DNER: variants seen among roughly 807,000 people sequenced by gnomAD.
DNER encodes delta/notch like EGF repeat containing, also known as delta and Notch-like epidermal growth factor-related receptor.
DNER carries 33 observed loss-of-function variants against 78.2 expected under a neutral mutation model. The observed-to-expected ratio is 0.42, with a 90% CI of 0.32 to 0.56. The LOEUF (loss-of-function observed/expected upper bound fraction) is 0.56, where lower values mean the gene tolerates loss of function less well. DNER is among the 20% of genes least tolerant of loss of function. The probability of loss-of-function intolerance (pLI) is 0.11; values close to 1 mark genes in which losing one functional copy is unlikely to be tolerated. For missense variants in DNER, 918 were observed against 975.3 expected, an observed-to-expected ratio of 0.94 and a Z score of 0.78; for synonymous variants, 417 against 384.8, an observed-to-expected ratio of 1.08 and a Z score of -0.98.
At chr2:229,465,365 G>A (rs769670881) in intron 7 of DNER, among the ~76,000 whole-genome samples, 3 of 152,184 alleles carry the variant, frequency 2.0e-5, no homozygotes, top group Non-Finnish European at 4.4e-5. Flanking sequence ...TCACTTATAA[G>A]TGGGAGCTGA....
intron 1 of DNER, among the ~76,000 whole-genome samples, chr2:229,648,420 G>A (rs908544092): frequency 4.6e-5 from 7 of 152,192 alleles, no homozygotes; most frequent in Non-Finnish European, 8.8e-5. Context: ...TACTATCCCT[G>A]GAGTAACACT....
intron 1 of DNER, among the ~76,000 whole-genome samples, chr2:229,638,087 T>C (rs1698557110): frequency 6.6e-6 from 1 of 152,192 alleles, no homozygotes; most frequent in Non-Finnish European, 1.5e-5. Context: ...CCAAAGCTAA[T>C]ACGAGAGAGG....
chr2:229,572,292 G>A (rs1206181261), intron 4 of DNER, among the ~76,000 whole-genome samples: 1 of 152,138 alleles, frequency 6.6e-6, no homozygotes, highest in African/African-American at 2.4e-5. Flanking sequence ...GTGAATTCAT[G>A]TAGACCCTAA....
At chr2:229,538,602 G>A (rs937400601) in intron 5 of DNER, among the ~76,000 whole-genome samples, 1 of 152,068 alleles carries the variant, frequency 6.6e-6, no homozygotes, top group Non-Finnish European at 1.5e-5. Flanking sequence ...TAATGATGAT[G>A]TATACTTGAA....
chr2:229,610,835 A>G (rs779089937), intron 1 of DNER, among the ~76,000 whole-genome samples: 11 of 152,236 alleles, frequency 7.2e-5, no homozygotes, highest in Non-Finnish European at 1.5e-4. Context: ...TTACATCCAC[A>G]GTTCCCAAAC....
At chr2:229,466,457 C>T (rs959054382) in intron 7 of DNER, among the ~76,000 whole-genome samples, 2 of 152,192 alleles carry the variant, frequency 1.3e-5, no homozygotes, top group Admixed American at 6.5e-5. Context: ...CCTTGGAACA[C>T]TTCCTGACTC....
intron 1 of DNER, among the ~76,000 whole-genome samples, chr2:229,592,731 G>A (rs575006079): frequency 5.5e-4 from 83 of 152,236 alleles, no homozygotes; most frequent in Non-Finnish European, 6.6e-4. Context: ...TTCAGATAGC[G>A]CAAGGGTTCA....
At chr2:229,603,478 T>C (rs1197414690) in intron 1 of DNER, among the ~76,000 whole-genome samples, 5 of 152,194 alleles carry the variant, frequency 3.3e-5, no homozygotes, top group Non-Finnish European at 4.4e-5. Flanking sequence ...AAATATACTA[T>C]ACAGCCATGA....
At chr2:229,515,895 G>A (rs376888066) in intron 5 of DNER, among the ~76,000 whole-genome samples, 15 of 152,078 alleles carry the variant, frequency 9.9e-5, no homozygotes, top group African/African-American at 2.9e-4. Context: ...TCCCGCCTCG[G>A]CCTCCCAAAG....
At chr2:229,505,219 T>TGTGTGTGTGC (rs56268741) in intron 6 of DNER, among the ~76,000 whole-genome samples, 1 of 149,256 alleles carries the variant, frequency 6.7e-6, no homozygotes, top group Non-Finnish European at 1.5e-5. Flanking sequence ...TGTGTGTGTG[T>TGTGTGTGTGC]TGGCTACAAT....
chr2:229,359,391 G>C (rs972483440), intron 12 of DNER, among the ~76,000 whole-genome samples: 1 of 152,122 alleles, frequency 6.6e-6, no homozygotes, highest in Non-Finnish European at 1.5e-5. Context: ...CAAACCTGTC[G>C]TAAGGTGGCA....
In DNER at chr2:229,465,119, A is replaced by T. The variant is rs1694777862; in HGVS notation, c.1261+12021T>A. On this transcript the variant is annotated intron_variant, in intron 7 of 12. Coordinates refer to ENST00000341772, the MANE Select transcript of DNER (RefSeq NM_139072.4). ...GAATAGAAATCATTCTATTATAAAG[A>T]TGCATGCATGTGTATGTTCATTGCA... 3.3e-5 allele frequency among the ~76,000 whole-genome samples: 5 copies of T among 152,214 alleles called. No homozygotes were observed. In the South Asian group the frequency reaches 1.0e-3, roughly 31 times the overall value.
intron 1 of DNER, among the ~76,000 whole-genome samples, chr2:229,595,964 C>T (rs757736578): frequency 4.0e-5 from 6 of 149,026 alleles, no homozygotes; most frequent in Admixed American, 6.8e-5. Context: ...ATGATGCTGA[C>T]GTTTGACCCT....
chr2:229,636,915 T>C lies in DNER; in HGVS notation c.277-45027A>G, dbSNP rs1193838047. Among the ~76,000 whole-genome samples, 5 of 152,182 alleles carry C rather than the reference T, an allele frequency of 3.3e-5. No homozygotes were observed. In the East Asian group the frequency reaches 9.6e-4, roughly 29 times the overall value. On this transcript the variant is annotated intron_variant, in intron 1 of 12. Coordinates refer to ENST00000341772, the MANE Select transcript of DNER (RefSeq NM_139072.4). ...AACCCCTGTGTGATCTTGAATAAAGTTGCAGAGCTTTCTTTAATTTGATCC... is the reference window on the plus strand; with the variant it reads ...AACCCCTGTGTGATCTTGAATAAAGCTGCAGAGCTTTCTTTAATTTGATCC...
intron 6 of DNER, among the ~76,000 whole-genome samples, chr2:229,494,845 C>A (rs971730602): frequency 1.3e-5 from 2 of 152,130 alleles, no homozygotes; most frequent in Non-Finnish European, 2.9e-5. Flanking sequence ...GTCCGACAGC[C>A]TTCCTTCATT....
intron 6 of DNER, among the ~76,000 whole-genome samples, chr2:229,510,912 T>C (rs1286210746): frequency 6.6e-6 from 1 of 152,166 alleles, no homozygotes; most frequent in Non-Finnish European, 1.5e-5. Context: ...TATAGAACAA[T>C]ATGTATCATA....
chr2:229,437,846 T>A (rs557141303), intron 8 of DNER, among the ~76,000 whole-genome samples: 3 of 152,272 alleles, frequency 2.0e-5, no homozygotes, highest in African/African-American at 7.2e-5. Context: ...CCATGACATA[T>A]AATCATCAAT....
At chr2:229,455,500 C>T (rs897224661) in intron 7 of DNER, among the ~76,000 whole-genome samples, 1 of 152,004 alleles carries the variant, frequency 6.6e-6, no homozygotes, top group Non-Finnish European at 1.5e-5. Context: ...GGAATACCAT[C>T]CATTTTCACA....
intron 8 of DNER, among the ~76,000 whole-genome samples, chr2:229,433,244 G>A (rs939274134): frequency 6.6e-6 from 1 of 152,120 alleles, no homozygotes; most frequent in African/African-American, 2.4e-5. Flanking sequence ...AGCCGGTTTT[G>A]TATTTTAACA....
Sources: allele counts gnomAD v4.1 joint callset (sites outside exome capture counted in the v4.1 genomes callset), GRCh38; gene constraint gnomAD v4.1.1; transcripts MANE v1.5; gene names NCBI Gene and HGNC (gene_info 2026-07-23, HGNC 2026-07-21).